The following MYH10 variants were observed in gnomAD, a reference collection of about 807,000 sequenced individuals.
The protein encoded by MYH10 is myosin heavy chain 10.
Under a neutral mutation model 257.8 loss-of-function variants are expected in MYH10, and 55 were observed. The ratio of observed to expected loss-of-function variants is 0.21; its 90% CI spans 0.17 to 0.27. The LOEUF (loss-of-function observed/expected upper bound fraction) is 0.27. Among genes scored for constraint, MYH10 ranks in the 10% least tolerant of loss-of-function variants. The probability of loss-of-function intolerance (pLI) is 1.00; values close to 1 mark genes in which losing one functional copy is unlikely to be tolerated. For synonymous variants in MYH10, 854 were observed against 921.7 expected (o/e 0.93, Z 1.33); for missense variants, 1,631 against 2,500.6 (o/e 0.65, Z 7.42).
chr17:8,490,669 G>T lies in MYH10; in HGVS notation c.4672-117C>A. The T allele has an allele frequency of 2.2e-6, 2 of 927,502 alleles. No individual in the cohort carries two copies. Among genetic ancestry groups the T allele is most frequent in the Non-Finnish European group, 3.4e-6 (2 of 588,002 alleles). 57.5% of individuals were successfully genotyped at this position (927,502 alleles called of 1,614,324 possible). On this transcript the variant is annotated intron_variant, in intron 34 of 42. Transcript: ENST00000360416. The surrounding 1 kb of genome is among the most constrained non-coding windows in gnomAD (Gnocchi z 4.1). ...ATGCTGGCCACTTTGGTCCCCCTGG[G>T]CCGGCCCCCTGCCACATGCATACAC...
chr17:8,628,244 C>T (rs954615655), intron 1 of MYH10, among the ~76,000 whole-genome samples: 10 of 152,096 alleles, frequency 6.6e-5, no homozygotes, highest in African/African-American at 2.2e-4. Context: ...TAAATTGCTG[C>T]CTAATTACAA....
In MYH10 at chr17:8,569,744, C is replaced by T; in HGVS notation, c.732G>A (p.Val244=). The change falls in exon 7 of 43, where the codon GTG becomes GTA. Residue 244 remains valine, a synonymous_variant. Coordinates refer to ENST00000360416, the MANE Select transcript of MYH10 (RefSeq NM_001256012.3). The surrounding 1 kb of genome is among the most constrained non-coding windows in gnomAD (Gnocchi z 4.1). ...CAAAACGAGATGAGTTATCATTTTTCACAGTCTTCGCATTTCCAAATGATT... is the reference window on the plus strand; with the variant it reads ...CAAAACGAGATGAGTTATCATTTTTTACAGTCTTCGCATTTCCAAATGATT... The part of the protein sequence containing the change: ...ILESFGNAKT[V]KNDNSSRFGK... The T allele has an allele frequency of 6.2e-7, 1 of 1,610,634 alleles. No homozygotes were observed. The highest frequency in any genetic ancestry group is 8.5e-7 in the Non-Finnish European group (1 of 1,178,496).
chr17:8,594,970 G>C (rs2084306013), intron 3 of MYH10, among the ~76,000 whole-genome samples: 1 of 152,200 alleles, frequency 6.6e-6, no homozygotes, highest in Admixed American at 6.5e-5. Context: ...CACGAATACA[G>C]AGGGCCAACT....
chr17:8,581,392 T>C (rs79495551), intron 4 of MYH10, among the ~76,000 whole-genome samples: 16,399 of 152,146 alleles, frequency 0.11, 1,120 homozygotes, highest in Admixed American at 0.17. Flanking sequence ...GTCTCAAATA[T>C]AGTTATGATT....
chr17:8,502,219 G>A (rs546455662), intron 28 of MYH10, among the ~76,000 whole-genome samples: 1 of 152,268 alleles, frequency 6.6e-6, no homozygotes, highest in Non-Finnish European at 1.5e-5. Context: ...GAGATCTGCA[G>A]GGGCTGGCTG....
intron 3 of MYH10, among the ~76,000 whole-genome samples, chr17:8,594,986 G>C (rs1196915784): frequency 6.6e-6 from 1 of 152,176 alleles, no homozygotes; most frequent in Non-Finnish European, 1.5e-5. Flanking sequence ...CAACTGTACA[G>C]TGTCTTAATT....
At chr17:8,602,498 G>A (rs1449330634) in intron 3 of MYH10, among the ~76,000 whole-genome samples, 2 of 152,198 alleles carry the variant, frequency 1.3e-5, no homozygotes, top group African/African-American at 4.8e-5. Context: ...CAGCAATGCT[G>A]CATATGCTAA....
intron 30 of MYH10, among the ~76,000 whole-genome samples, chr17:8,497,287 A>G (rs925222078): frequency 6.6e-6 from 1 of 152,202 alleles, no homozygotes; most frequent in Non-Finnish European, 1.5e-5. Context: ...GTGGCAATAT[A>G]GGATGTACAT....
Position 8,476,949 on chromosome 17 carries a change from G to T in MYH10, c.5806C>A (p.Arg1936=), listed in dbSNP as rs768468013. ...GCCTCGGTGGCATCATCCAGTTCCC[G>T]CTGGAGTTTACGCCGAGATGCGTTG... is the stretch of plus-strand genomic sequence containing the variant. ...RANASRRKLQ[R]ELDDATEANE... Residue 1936 remains arginine (R), a synonymous_variant, in exon 42 of 43, where the codon CGG becomes AGG. Transcript: ENST00000360416. The T allele has an allele frequency of 2.5e-6, 4 of 1,613,692 alleles. No homozygotes were observed. Among genetic ancestry groups the T allele is most frequent in the Non-Finnish European group, 3.4e-6 (4 of 1,180,042 alleles).
intron 17 of MYH10, 91 bp downstream of exon 17, chr17:8,530,505 ACCCCAGCCCCCAGTCTACCCCCGCCCT>A: frequency 2.1e-6 from 1 of 469,786 alleles, no homozygotes; most frequent in Non-Finnish European, 3.7e-6. Flanking sequence ...CCCAAAGCCC[ACCCCAGCCCCCAGTCTACCCCCGCCCT>A]CCCCGGCCAC....
intron 6 of MYH10, among the ~76,000 whole-genome samples, chr17:8,570,753 T>G (rs1451095337): frequency 1.3e-5 from 2 of 152,102 alleles, no homozygotes; most frequent in African/African-American, 4.8e-5. Flanking sequence ...GAACCTCACA[T>G]GAGGCTTTTA....
At chr17:8,484,502 G>A (rs112502167) in intron 36 of MYH10, among the ~76,000 whole-genome samples, 1,533 of 152,140 alleles carry the variant, frequency 0.01, 31 homozygotes, top group African/African-American at 0.034. Context: ...AAATATAAAA[G>A]TATATGGGAA....
At chr17:8,510,040 A>AAT in intron 24 of MYH10, 91 bp from the exon 25 acceptor site, 1 of 909,810 alleles carries the variant, frequency 1.1e-6, no homozygotes, top group Non-Finnish European at 1.5e-6. Context: ...TGAGATACTA[A>AAT]TTTTTTTTTT....
chr17:8,592,068 A>T (rs189662925), intron 3 of MYH10, among the ~76,000 whole-genome samples: 64 of 152,272 alleles, frequency 4.2e-4, no homozygotes, highest in South Asian at 1.5e-3. Flanking sequence ...AGGGGGAAAA[A>T]CTCACTTTCA....
rs973352790 is a variant in MYH10 at position 8,474,339 on chromosome 17, G to C, written c.*1465C>G. 6.6e-6 allele frequency: 1 copy of C among 152,502 alleles called. No individual in the cohort carries two copies. Among genetic ancestry groups the C allele is most frequent in the Non-Finnish European group, 1.5e-5 (1 of 68,024 alleles). 9.4% of individuals were successfully genotyped at this position (152,502 alleles called of 1,614,324 possible). A position where few individuals can be genotyped will look rare whatever the true frequency, so the allele number is the denominator to read the frequency against. ...ATTGTCTTACAAAAATCATTGTCTA[G>C]AAATATGGGAATACAAGAAAAGATA... is the stretch of plus-strand genomic sequence containing the variant. On this transcript the variant is annotated 3_prime_UTR_variant, in exon 43 of 43. Coordinates refer to ENST00000360416, the MANE Select transcript of MYH10 (RefSeq NM_001256012.3).
intron 36 of MYH10, 45 bp from the exon 37 acceptor site, chr17:8,484,311 T>A (rs1387613413): frequency 6.4e-7 from 1 of 1,567,678 alleles, no homozygotes; most frequent in Non-Finnish European, 8.6e-7. Context: ...CATTCTTAGT[T>A]TTAGTTAAAA....
intron 19 of MYH10, 22 bp downstream of exon 19, chr17:8,520,856 A>G (rs750839337): frequency 3.8e-6 from 6 of 1,582,442 alleles, no homozygotes; most frequent in Non-Finnish European, 5.1e-6. Flanking sequence ...ACATAAGCAA[A>G]AAAAGTAAAA....
Position 8,545,745 on chromosome 17 carries a change from A to C in MYH10, c.1279-145T>G. On this transcript the variant is annotated intron_variant, in intron 12 of 42. Transcript: ENST00000360416. The surrounding 1 kb of genome is among the most constrained non-coding windows in gnomAD (Gnocchi z 4.7). Reference sequence around the variant, plus strand: ...TAATCATGTCTCAATTTTACACATCAATAGAAGGCAATATTAGAAGAATTA... The same window carrying C: ...TAATCATGTCTCAATTTTACACATCCATAGAAGGCAATATTAGAAGAATTA... The C allele has an allele frequency of 1.4e-6, 1 of 730,180 alleles. No individual in the cohort carries two copies. Among genetic ancestry groups the C allele is most frequent in the Non-Finnish European group, 2.2e-6 (1 of 456,926 alleles). The allele number at this position is 730,180 out of a possible 1,614,324, so 45.2% of individuals were successfully genotyped here.
intron 42 of MYH10, among the ~76,000 whole-genome samples, 198 bp downstream of exon 42, chr17:8,476,678 C>T (rs1304815677): frequency 6.6e-6 from 1 of 152,206 alleles, no homozygotes; most frequent in Non-Finnish European, 1.5e-5. Context: ...TAGTGACTGG[C>T]AATGAATAGG....
Sources: gnomAD v4.1 joint callset for allele counts (sites outside exome capture counted in the v4.1 genomes callset) on GRCh38, gnomAD v4.1.1 for gene constraint, Gnocchi (gnomAD v3.1) non-coding constraint, MANE v1.5 for transcripts, NCBI Gene and HGNC (gene_info 2026-07-23, HGNC 2026-07-21) for gene names.